Variants in EPN1 observed in about 807,000 individuals in gnomAD.
EPN1 encodes the protein epsin 1.
Under a neutral mutation model 56.9 loss-of-function variants are expected in EPN1, and 25 were observed. That is an observed-to-expected ratio of 0.44 (90% confidence interval 0.32 to 0.61). EPN1 has a LOEUF of 0.61. Ranked by LOEUF, EPN1 falls within the 20% of genes least tolerant of loss-of-function variation. The pLI is 0.05. For synonymous variants in EPN1, 411 were observed against 361.8 expected, an observed-to-expected ratio of 1.14 and a Z score of -1.54; for missense variants, 785 against 823.7, an observed-to-expected ratio of 0.95 and a Z score of 0.58.
chr19:55,688,860 C>T lies in EPN1; in HGVS notation c.479-10C>T, dbSNP rs541968592. 2.8e-5 allele frequency: 44 copies of T among 1,573,188 alleles called. No homozygotes were observed. Among genetic ancestry groups the T allele is most frequent in the South Asian group, 1.7e-4 (15 of 85,856 alleles). On this transcript the variant is annotated splice_polypyrimidine_tract_variant and intron_variant, in intron 3 of 10. Coordinates refer to ENST00000270460, the MANE Select transcript of EPN1 (RefSeq NM_001130072.2). ...GTCTGGGTCTCACGCGTTTCTCACC[C>T]GCCCTCCAGCCTCATCAGCAGCTGT...
At chr19:55,686,797 C>T (rs1986197516) in intron 3 of EPN1, among the ~76,000 whole-genome samples, 1 of 151,842 alleles carries the variant, frequency 6.6e-6, no homozygotes, top group African/African-American at 2.4e-5. Flanking sequence ...GGCTGGTCAG[C>T]TCGAGGCAGG....
At position 55,696,536 on chromosome 19, in the gene EPN1, C is replaced by G. The variant is rs893950814; in HGVS notation, c.*1180C>G. On this transcript the variant is annotated 3_prime_UTR_variant, in exon 11 of 11. Transcript: ENST00000270460. The stretch of plus-strand genomic sequence containing the variant: ...CCTCAGTGACTCCGACAGCTCTTGT[C>G]TCAGAGGTGCTGGGGTGAAGGCTGT... The G allele has an allele frequency of 6.6e-6, 1 of 152,480 alleles. No individual in the cohort carries two copies. The highest frequency in any genetic ancestry group is 1.5e-5 in the Non-Finnish European group (1 of 68,256). The allele number at this position is 152,480 out of a possible 1,614,324, so 9.4% of individuals were successfully genotyped here.
Position 55,694,547 on chromosome 19 carries a change from G to GCTGACGTGAGGTTTTGGC in EPN1, c.1265-175_1265-158dup. Reference sequence around the variant, plus strand: ...TCAGACCCACCTTATGGGAATCTGGGCTGACGTGAGGTTTTGGCCTGGGCA... The same window carrying GCTGACGTGAGGTTTTGGC: ...TCAGACCCACCTTATGGGAATCTGGGCTGACGTGAGGTTTTGGCCTGACGTGAGGTTTTGGCCTGGGCA... On this transcript the variant is annotated intron_variant, in intron 9 of 10. Coordinates refer to ENST00000270460, the MANE Select transcript of EPN1 (RefSeq NM_001130072.2). This position sits in a 1 kb window ranked among gnomAD's most constrained non-coding sequence, Gnocchi z 4.2. 1.6e-6 allele frequency: 1 copy of GCTGACGTGAGGTTTTGGC among 631,626 alleles called. No individual in the cohort carries two copies. The highest frequency in any genetic ancestry group is 2.5e-6 in the Non-Finnish European group (1 of 401,862). The allele number at this position is 631,626 out of a possible 1,614,324, so 39.1% of individuals were successfully genotyped here.
Position 55,678,520 on chromosome 19 carries a change from C to T in EPN1, c.-101-7C>T, listed in dbSNP as rs1461020836. 6.5e-7 allele frequency: 1 copy of T among 1,537,868 alleles called. No individual in the cohort carries two copies. On this transcript the variant is annotated splice_polypyrimidine_tract_variant and splice_region_variant and intron_variant, in intron 1 of 10. Coordinates refer to ENST00000270460, the MANE Select transcript of EPN1 (RefSeq NM_001130072.2). The stretch of plus-strand genomic sequence containing the variant: ...TTGTGTTTCCAGAGGTCCTCTTCCC[C>T]TCGCAGATGCGGTGACCTGCCAGCA...
In EPN1 at chr19:55,702,614, G is replaced by A. The variant is rs1987195592; in HGVS notation, c.*7258G>A. On this transcript the variant is annotated 3_prime_UTR_variant, in exon 11 of 11. Coordinates refer to ENST00000270460, the MANE Select transcript of EPN1 (RefSeq NM_001130072.2). The stretch of plus-strand genomic sequence containing the variant: ...GTGATTTCTTTGAACTGCGTGGTGT[G>A]GTGAGAAAGGGAGCAATTTCTAAGC... 1.3e-5 allele frequency: 2 copies of A among 152,134 alleles called. No homozygotes were observed. The highest frequency in any genetic ancestry group is 6.5e-5 in the Admixed American group (1 of 15,278). 9.4% of individuals were successfully genotyped at this position (152,134 alleles called of 1,614,324 possible). A position where few individuals can be genotyped will look rare whatever the true frequency, so the allele number is the denominator to read the frequency against.
rs767197418 is a variant in EPN1 at position 55,708,861 on chromosome 19, A to C, written c.*13505A>C. 4.3e-6 allele frequency: 6 copies of C among 1,408,624 alleles called. No homozygotes were observed. The African/African-American group carries it at 8.9e-5, about 21-fold the overall frequency. The allele number at this position is 1,408,624 out of a possible 1,614,324, so 87.3% of individuals were successfully genotyped here. A position where few individuals can be genotyped will look rare whatever the true frequency, so the allele number is the denominator to read the frequency against. On this transcript the variant is annotated 3_prime_UTR_variant, in exon 11 of 11. Transcript: ENST00000270460. Reference sequence around the variant, plus strand: ...GATAGAGGTGCCAGGTGAAGGTCCCACTGTGGCCAAGGAAAGCCTTTGTGA... The same window carrying C: ...GATAGAGGTGCCAGGTGAAGGTCCCCCTGTGGCCAAGGAAAGCCTTTGTGA...
intron 2 of EPN1, 94 bp from the exon 3 acceptor site, chr19:55,685,302 G>T: frequency 6.7e-7 from 1 of 1,491,406 alleles, no homozygotes; most frequent in Non-Finnish European, 9.0e-7. Flanking sequence ...TGGGCCTTGC[G>T]CCCAGTCGGC....
chr19:55,688,964 C>T lies in EPN1; in HGVS notation c.573C>T (p.Ala191=), dbSNP rs1277278142. Residue 191 remains alanine, a synonymous_variant, in exon 4 of 11, where the codon GCC becomes GCT. Transcript: ENST00000270460. ...SGEEELQLQL[A]LAMSKEEADQ... ...AGGAGGAGCTGCAGCTCCAGCTGGCCCTGGCCATGAGCAAGGAGGAGGCCG... is the reference window on the plus strand; with the variant it reads ...AGGAGGAGCTGCAGCTCCAGCTGGCTCTGGCCATGAGCAAGGAGGAGGCCG... 6.2e-7 allele frequency: 1 copy of T among 1,602,560 alleles called. No individual in the cohort carries two copies. Among genetic ancestry groups the T allele is most frequent in the East Asian group, 2.2e-5 (1 of 44,594 alleles).
intron 1 of EPN1, 103 bp from the exon 2 acceptor site, chr19:55,678,424 G>GA: frequency 8.4e-7 from 1 of 1,192,164 alleles, no homozygotes; most frequent in Non-Finnish European, 1.1e-6. Flanking sequence ...GTTAACAAGG[G>GA]ACAGAGCCTT....
intron 7 of EPN1, among the ~76,000 whole-genome samples, chr19:55,692,446 T>G (rs1986621966): frequency 6.7e-6 from 1 of 150,056 alleles, no homozygotes; most frequent in East Asian, 2.0e-4. Flanking sequence ...GAGGGAGGGC[T>G]GGGCAGGTCT....
rs1045910261 is a variant in EPN1 at position 55,703,641 on chromosome 19, C to T, written c.*8285C>T. 3 of 152,196 alleles carry T rather than the reference C, an allele frequency of 2.0e-5. No homozygotes were observed. The highest frequency in any genetic ancestry group is 1.9e-4 in the East Asian group (1 of 5,194). The allele number at this position is 152,196 out of a possible 1,614,324, so 9.4% of individuals were successfully genotyped here. A position where few individuals can be genotyped will look rare whatever the true frequency, so the allele number is the denominator to read the frequency against. ...GCGCAGCCTGGGATCCTCACTTTTTCGCAGATTGGTCACTAGCAGGGCGTC... is the reference window on the plus strand; with the variant it reads ...GCGCAGCCTGGGATCCTCACTTTTTTGCAGATTGGTCACTAGCAGGGCGTC... On this transcript the variant is annotated 3_prime_UTR_variant, in exon 11 of 11. Transcript: ENST00000270460.
rs777579245 is a variant in EPN1 at position 55,689,040 on chromosome 19, C to T, written c.603+46C>T. 2.1e-5 allele frequency: 33 copies of T among 1,540,952 alleles called. 1 individual carries two copies. In the South Asian group the frequency reaches 2.2e-4, roughly 10 times the overall value. ...GCTGTCTGTCCGCCACCCGCCTCCA[C>T]GCCTCACTTCAGGCTCCCTCCCAGC... On this transcript the variant is annotated intron_variant, in intron 4 of 10. Coordinates refer to ENST00000270460, the MANE Select transcript of EPN1 (RefSeq NM_001130072.2). The surrounding 1 kb of genome is among the most constrained non-coding windows in gnomAD (Gnocchi z 5.7).
At position 55,682,881 on chromosome 19, in the gene EPN1, C is replaced by T. The variant is rs529903332; in HGVS notation, c.229-2515C>T. Among the ~76,000 whole-genome samples, 30 of 150,538 alleles carry T rather than the reference C, an allele frequency of 2.0e-4. No homozygotes were observed. In the East Asian group the frequency reaches 3.6e-3, roughly 18 times the overall value. On this transcript the variant is annotated intron_variant, in intron 2 of 10. Coordinates refer to ENST00000270460, the MANE Select transcript of EPN1 (RefSeq NM_001130072.2). ...AAGCAATTCTCCTGCCTTAGCCTCCCGAGTAGCTGGGATTACAGGTACTTG... is the reference window on the plus strand; with the variant it reads ...AAGCAATTCTCCTGCCTTAGCCTCCTGAGTAGCTGGGATTACAGGTACTTG...
At chr19:55,686,483 C>T (rs1005654809) in intron 3 of EPN1, among the ~76,000 whole-genome samples, 61 of 152,140 alleles carry the variant, frequency 4.0e-4, no homozygotes, top group African/African-American at 1.4e-3. Flanking sequence ...TCAGCCAGGC[C>T]GGTGCAGACA....
Position 55,678,542 on chromosome 19 carries a change from A to G in EPN1, c.-86A>G. 3 of 1,545,104 alleles carry G rather than the reference A, an allele frequency of 1.9e-6. No individual in the cohort carries two copies. The highest frequency in any genetic ancestry group is 2.6e-6 in the Non-Finnish European group (3 of 1,147,572). On this transcript the variant is annotated 5_prime_UTR_variant, in exon 2 of 11. Coordinates refer to ENST00000270460, the MANE Select transcript of EPN1 (RefSeq NM_001130072.2). ...CCCCTCGCAGATGCGGTGACCTGCCAGCACCTGCCGCAGCCTTCGTCCGGG... is the reference window on the plus strand; with the variant it reads ...CCCCTCGCAGATGCGGTGACCTGCCGGCACCTGCCGCAGCCTTCGTCCGGG...
Position 55,689,456 on chromosome 19 carries a change from A to C in EPN1, c.678+85A>C. 3.9e-6 allele frequency: 4 copies of C among 1,033,470 alleles called. No individual in the cohort carries two copies. Among genetic ancestry groups the C allele is most frequent in the Non-Finnish European group, 5.9e-6 (4 of 682,936 alleles). 64.0% of individuals were successfully genotyped at this position (1,033,470 alleles called of 1,614,324 possible). A position where few individuals can be genotyped will look rare whatever the true frequency, so the allele number is the denominator to read the frequency against. Reference sequence around the variant, plus strand: ...GCCCCTTCCTAAGTCACCCCCCACCATCCTGCTGGGCCCGAAGCCCACAGG... The same window carrying C: ...GCCCCTTCCTAAGTCACCCCCCACCCTCCTGCTGGGCCCGAAGCCCACAGG... On this transcript the variant is annotated intron_variant, in intron 5 of 10. Coordinates refer to ENST00000270460, the MANE Select transcript of EPN1 (RefSeq NM_001130072.2). The surrounding 1 kb of genome is among the most constrained non-coding windows in gnomAD (Gnocchi z 5.7).
intron 2 of EPN1, among the ~76,000 whole-genome samples, chr19:55,683,713 T>C (rs1985980565): frequency 6.6e-6 from 1 of 152,250 alleles, no homozygotes; most frequent in Non-Finnish European, 1.5e-5. Flanking sequence ...CCATAGTTGA[T>C]GTATGCATTT....
rs570450835 is a variant in EPN1, at chr19:55,689,762, C to G, written c.679-105C>G. ...TCCGCATCCCATCGAATCCTTCAGC[C>G]GCTTTCGTTGGGGTGGGAGGGGTTG... On this transcript the variant is annotated intron_variant, in intron 5 of 10. Transcript: ENST00000270460. This position sits in a 1 kb window ranked among gnomAD's most constrained non-coding sequence, Gnocchi z 5.7. The G allele has an allele frequency of 1.9e-6, 2 of 1,039,644 alleles. No individual in the cohort carries two copies. The highest frequency in any genetic ancestry group is 2.9e-6 in the Non-Finnish European group (2 of 687,772). 64.4% of individuals were successfully genotyped at this position (1,039,644 alleles called of 1,614,324 possible). A position where few individuals can be genotyped will look rare whatever the true frequency, so the allele number is the denominator to read the frequency against.
rs368875827 is a variant in EPN1 at position 55,685,661 on chromosome 19, C to A, written c.478+16C>A. Reference sequence around the variant, plus strand: ...ACCGCCACGGGTGAGTCCCTCCCTGCGGCCCCTGACGGCCTAGAGTCTGTC... The same window carrying A: ...ACCGCCACGGGTGAGTCCCTCCCTGAGGCCCCTGACGGCCTAGAGTCTGTC... On this transcript the variant is annotated intron_variant, in intron 3 of 10. Coordinates refer to ENST00000270460, the MANE Select transcript of EPN1 (RefSeq NM_001130072.2). 1 of 1,577,308 alleles carries A rather than the reference C, an allele frequency of 6.3e-7. No homozygotes were observed.
Sources: allele counts gnomAD v4.1 joint callset (sites outside exome capture counted in the v4.1 genomes callset), GRCh38; gene constraint gnomAD v4.1.1; non-coding constraint Gnocchi (gnomAD v3.1); transcripts MANE v1.5; gene names NCBI Gene and HGNC (gene_info 2026-07-23, HGNC 2026-07-21).